ZFHX4: variants seen among roughly 807,000 people sequenced by gnomAD.
ZFHX4 encodes zinc finger homeobox 4, also known as zinc finger homeobox protein 4.
Under a neutral mutation model 267.6 loss-of-function variants are expected in ZFHX4, and 56 were observed. The observed-to-expected ratio is 0.21, with a 90% confidence interval of 0.17 to 0.26. The LOEUF (loss-of-function observed/expected upper bound fraction) is 0.26. ZFHX4 is among the 10% of genes least tolerant of loss of function. The probability of loss-of-function intolerance (pLI) is 1.00; values close to 1 mark genes in which losing one functional copy is unlikely to be tolerated. For synonymous variants in ZFHX4, 1,778 were observed against 1,665.6 expected (o/e 1.07, Z -1.64); for missense variants, 4,332 against 4,420.0 (o/e 0.98, Z 0.56).
At chr8:76,718,606 G>T (rs375071574) in intron 3 of ZFHX4, among the ~76,000 whole-genome samples, 1 of 152,038 alleles carries the variant, frequency 6.6e-6, no homozygotes, top group African/African-American at 2.4e-5. Flanking sequence ...GAGAAAAATA[G>T]TCTTGGCTCT....
chr8:76,743,166 C>T (rs929328537), intron 3 of ZFHX4, among the ~76,000 whole-genome samples: 19 of 152,270 alleles, frequency 1.2e-4, no homozygotes, highest in African/African-American at 4.1e-4. Context: ...GAGAGTTTGC[C>T]ACTAACACAG....
At chr8:76,808,619 T>A (rs1460974762) in intron 4 of ZFHX4, among the ~76,000 whole-genome samples, 2 of 152,138 alleles carry the variant, frequency 1.3e-5, no homozygotes, top group Admixed American at 6.6e-5. Flanking sequence ...GTCCTATGGA[T>A]CTCTTAATTG....
At chr8:76,798,950 A>G (rs928213274) in intron 4 of ZFHX4, among the ~76,000 whole-genome samples, 1 of 152,166 alleles carries the variant, frequency 6.6e-6, no homozygotes, top group Non-Finnish European at 1.5e-5. Flanking sequence ...CCTGCAGAGG[A>G]TATTTTGTTT....
At chr8:76,737,548 C>T (rs926063060) in intron 3 of ZFHX4, among the ~76,000 whole-genome samples, 1 of 152,114 alleles carries the variant, frequency 6.6e-6, no homozygotes, top group South Asian at 2.1e-4. Context: ...TCAGCCTGGT[C>T]ACATATTTGT....
chr8:76,724,905 G>A (rs1808813118), intron 3 of ZFHX4, among the ~76,000 whole-genome samples: 1 of 151,972 alleles, frequency 6.6e-6, no homozygotes, highest in Admixed American at 6.6e-5. Flanking sequence ...GCTATTCTAG[G>A]AAGGCAGATT....
intron 3 of ZFHX4, among the ~76,000 whole-genome samples, chr8:76,721,975 T>G (rs578250247): frequency 6.6e-6 from 1 of 152,266 alleles, no homozygotes; most frequent in Admixed American, 6.5e-5. Flanking sequence ...TATAAAAGTA[T>G]GAATATGCCT....
intron 4 of ZFHX4, among the ~76,000 whole-genome samples, chr8:76,814,705 G>T (rs1352048549): frequency 6.6e-6 from 1 of 152,138 alleles, no homozygotes; most frequent in Non-Finnish European, 1.5e-5. Context: ...ATCTTACCAT[G>T]TATTCAGGTG....
chr8:76,833,425 T>A lies in ZFHX4; in HGVS notation c.3394+19T>A. The A allele has an allele frequency of 6.3e-7, 1 of 1,576,568 alleles. No individual in the cohort carries two copies. ...ACCTCAGGTAATGGTTCCTACTCCT[T>A]CTCAAAATATTTCCTTGTCCTAAAT... On this transcript the variant is annotated intron_variant, in intron 5 of 10. Coordinates refer to ENST00000651372, the MANE Select transcript of ZFHX4 (RefSeq NM_024721.5).
chr8:76,858,316 A>G (rs1812783569), intron 10 of ZFHX4, among the ~76,000 whole-genome samples: 1 of 152,256 alleles, frequency 6.6e-6, no homozygotes, highest in South Asian at 2.1e-4. Context: ...TTGTAATAGC[A>G]TTAGTGAGAA....
At chr8:76,685,369 G>T (rs1341141205) in intron 1 of ZFHX4, among the ~76,000 whole-genome samples, 1 of 152,124 alleles carries the variant, frequency 6.6e-6, no homozygotes, top group Non-Finnish European at 1.5e-5. Context: ...GAGGCTGGAT[G>T]ATTTAAAATC....
intron 1 of ZFHX4, among the ~76,000 whole-genome samples, chr8:76,702,280 T>G (rs1808125055): frequency 6.6e-6 from 1 of 152,176 alleles, no homozygotes; most frequent in Admixed American, 6.5e-5. Flanking sequence ...GAATTCATTT[T>G]CAGGGTCCCA....
intron 3 of ZFHX4, among the ~76,000 whole-genome samples, chr8:76,708,575 A>G (rs1808342270): frequency 6.6e-6 from 1 of 152,182 alleles, no homozygotes; most frequent in Non-Finnish European, 1.5e-5. Flanking sequence ...GGAAGTCTCT[A>G]AAAGTAAATT....
In ZFHX4 at chr8:76,748,996, G is replaced by A. The variant is rs529059047; in HGVS notation, c.3094-29212G>A. ...ACATCTGTATCATAATTTAAAGTTGGCAAATTGCTATCTTCTGTTACAATC... is the reference window on the plus strand; with the variant it reads ...ACATCTGTATCATAATTTAAAGTTGACAAATTGCTATCTTCTGTTACAATC... On this transcript the variant is annotated intron_variant, in intron 3 of 10. Transcript: ENST00000651372. Among the ~76,000 whole-genome samples the A allele has an allele frequency of 3.3e-5, 5 of 152,190 alleles. No individual in the cohort carries two copies. In the East Asian group the frequency reaches 7.7e-4, roughly 24 times the overall value.
At chr8:76,809,873 G>A (rs917449609) in intron 4 of ZFHX4, among the ~76,000 whole-genome samples, 18 of 152,152 alleles carry the variant, frequency 1.2e-4, no homozygotes, top group South Asian at 6.2e-4. Flanking sequence ...ACGGTCTTAC[G>A]TTGATTGATA....
At position 76,729,061 on chromosome 8, in the gene ZFHX4, G is replaced by A. The variant is rs527462773; in HGVS notation, c.3093+21013G>A. On this transcript the variant is annotated intron_variant, in intron 3 of 10. Transcript: ENST00000651372. Reference sequence around the variant, plus strand: ...ATCAACTTTCTTTCTGAAATTGCTCGTTAGTGGTTCTTAAAGGGTTTGATT... The same window carrying A: ...ATCAACTTTCTTTCTGAAATTGCTCATTAGTGGTTCTTAAAGGGTTTGATT... Among the ~76,000 whole-genome samples the A allele has an allele frequency of 5.9e-5, 9 of 152,196 alleles. No homozygotes were observed. In the South Asian group the frequency reaches 1.0e-3, roughly 17 times the overall value.
intron 4 of ZFHX4, among the ~76,000 whole-genome samples, chr8:76,824,299 A>C (rs1811729499): frequency 6.6e-6 from 1 of 152,216 alleles, no homozygotes; most frequent in African/African-American, 2.4e-5. Flanking sequence ...TGACTGCAAC[A>C]CAGGGAATAA....
At chr8:76,808,165 C>G (rs1811290575) in intron 4 of ZFHX4, among the ~76,000 whole-genome samples, 1 of 151,880 alleles carries the variant, frequency 6.6e-6, no homozygotes, top group South Asian at 2.1e-4. Context: ...AGTTAGTGTT[C>G]TTGTTAGTCA....
chr8:76,856,220 G>A lies in ZFHX4; in HGVS notation c.9299G>A (p.Gly3100Glu), dbSNP rs1482844256. ...HGISLPTAYP[G>E]LPGLPPVLLP... ...ATCAGCCTGCCAACAGCCTACCCCGGACTCCCCGGCCTTCCTCCAGTCCTT... is the reference window on the plus strand; with the variant it reads ...ATCAGCCTGCCAACAGCCTACCCCGAACTCCCCGGCCTTCCTCCAGTCCTT... The change falls in exon 10 of 11, where the codon GGA becomes GAA. Residue 3100 changes from glycine to glutamate, a missense_variant. Physicochemically the swap from Gly to Glu is moderately conservative, Grantham distance 98. This residue lies in a region of ZFHX4 where 1,648 missense variants were observed against 1,625.0 expected (regional missense o/e 1.01). Transcript: ENST00000651372. 4 of 1,613,896 alleles carry A rather than the reference G, an allele frequency of 2.5e-6. No homozygotes were observed. Among genetic ancestry groups the A allele is most frequent in the Admixed American group, 1.7e-5 (1 of 60,012 alleles).
At chr8:76,786,534 CAA>C (rs535597915) in intron 4 of ZFHX4, among the ~76,000 whole-genome samples, 2 of 151,728 alleles carry the variant, frequency 1.3e-5, no homozygotes, top group Non-Finnish European at 2.9e-5. Flanking sequence ...TCAAATGTGT[CAA>C]ATTTCAGAAG....
Sources: allele counts gnomAD v4.1 joint callset (sites outside exome capture counted in the v4.1 genomes callset), GRCh38; gene constraint gnomAD v4.1.1; regional missense constraint gnomAD v4.1.1; transcripts MANE v1.5; gene names NCBI Gene and HGNC (gene_info 2026-07-23, HGNC 2026-07-21).